Variants in STARD13 observed in about 807,000 individuals in gnomAD.
The protein encoded by STARD13 is StAR related lipid transfer domain containing 13.
A neutral mutation model predicts 106.4 loss-of-function variants in STARD13; 62 were observed. The observed-to-expected ratio is 0.58, with a 90% CI of 0.48 to 0.72. The LOEUF (loss-of-function observed/expected upper bound fraction) is 0.72, where lower values mean the gene tolerates loss of function less well. Among genes scored for constraint, STARD13 ranks in the 30% least tolerant of loss-of-function variants. The pLI, the probability that STARD13 is intolerant of heterozygous loss-of-function variation, is 0.00. For missense variants in STARD13, 1,387 were observed against 1,424.0 expected (o/e 0.97, Z 0.42); for synonymous variants, 565 against 553.0 (o/e 1.02, Z -0.31).
chr13:33,477,444 A>G, the STARD13 span, among the ~76,000 whole-genome samples: 2 of 152,234 alleles, frequency 1.3e-5, no homozygotes, highest in African/African-American at 4.8e-5. Flanking sequence ...AAATTTAGCC[A>G]TTGATGCTGA....
At chr13:33,326,338 A>G (rs1314024018) in intron 1 of STARD13, among the ~76,000 whole-genome samples, 1 of 152,220 alleles carries the variant, frequency 6.6e-6, no homozygotes, top group South Asian at 2.1e-4. Context: ...ACTTTTGTGC[A>G]CTAGAGTTTT....
At chr13:33,503,398 C>G in the STARD13 span, among the ~76,000 whole-genome samples, 1 of 152,222 alleles carries the variant, frequency 6.6e-6, no homozygotes, top group African/African-American at 2.4e-5. Flanking sequence ...CTGTTCTGAT[C>G]TTAGTTATTT....
chr13:33,384,424 A>G, the STARD13 span, among the ~76,000 whole-genome samples: 4 of 152,206 alleles, frequency 2.6e-5, no homozygotes, highest in African/African-American at 7.2e-5. Context: ...ACCAATCCAT[A>G]TTTTAATGCA....
chr13:33,285,536 T>C lies in STARD13; in HGVS notation c.103A>G (p.Arg35Gly), dbSNP rs1196550592. The change falls in exon 1 of 14, where the codon AGA (arginine) becomes GGA (glycine). Residue 35 changes from arginine (R) to glycine (G), a missense_variant. Transcript: ENST00000336934. ...CGGCTCATCCTGTAAGGAGAGCGTC[T>C]TGTAGTCTGATCAAATCGCAAGTAC... Reference protein sequence around the residue: ...EMYLRFDQTTRRSPYRMSRIL... With the variant: ...EMYLRFDQTTGRSPYRMSRIL... The C allele has an allele frequency of 1.2e-6, 2 of 1,614,044 alleles. No individual in the cohort carries two copies. The highest frequency in any genetic ancestry group is 2.2e-5 in the East Asian group (1 of 44,874).
the STARD13 span, among the ~76,000 whole-genome samples, chr13:33,502,779 G>A: frequency 7.9e-5 from 12 of 152,268 alleles, no homozygotes; most frequent in East Asian, 1.7e-3. Context: ...TGCTAGATTC[G>A]GTTTGCCAGT....
At chr13:33,549,040 CAT>C in the STARD13 span, among the ~76,000 whole-genome samples, 68 of 152,082 alleles carry the variant, frequency 4.5e-4, no homozygotes, top group African/African-American at 1.5e-3. Flanking sequence ...TTTTTAAACT[CAT>C]GTGTTAACAA....
chr13:33,345,137 C>A (rs1429685133), downstream of STARD13, among the ~76,000 whole-genome samples: 1 of 152,176 alleles, frequency 6.6e-6, no homozygotes, highest in East Asian at 1.9e-4. Context: ...GCATCTCATT[C>A]TTGTAGCTCT....
intron 1 of STARD13, among the ~76,000 whole-genome samples, chr13:33,311,171 C>T (rs1419571030): frequency 1.3e-5 from 2 of 151,558 alleles, no homozygotes; most frequent in African/African-American, 2.4e-5. Context: ...GTAGCATGCA[C>T]CTGTGGTCCC....
chr13:33,367,336 T>G, the STARD13 span, among the ~76,000 whole-genome samples: 2 of 152,216 alleles, frequency 1.3e-5, no homozygotes, highest in Non-Finnish European at 2.9e-5. Context: ...AACTTCAAGC[T>G]GAGTTTTGAA....
the STARD13 span, among the ~76,000 whole-genome samples, chr13:33,576,078 T>C: frequency 1.3e-5 from 2 of 152,208 alleles, no homozygotes; most frequent in Non-Finnish European, 2.9e-5. Context: ...GGGAGCTTTA[T>C]AGGGAGCAAT....
chr13:33,586,915 T>C, the STARD13 span, among the ~76,000 whole-genome samples: 1 of 152,140 alleles, frequency 6.6e-6, no homozygotes, highest in East Asian at 1.9e-4. Context: ...GTACCCCTGT[T>C]CAATTTTCTC....
intron 1 of STARD13, among the ~76,000 whole-genome samples, chr13:33,254,561 T>C (rs930274279): frequency 6.6e-6 from 1 of 152,150 alleles, no homozygotes; most frequent in Non-Finnish European, 1.5e-5. Flanking sequence ...CAGCCCTAAG[T>C]GGGAACAGCA....
intron 1 of STARD13, among the ~76,000 whole-genome samples, chr13:33,325,879 G>A (rs996057140): frequency 6.6e-6 from 1 of 151,680 alleles, no homozygotes; most frequent in African/African-American, 2.4e-5. Context: ...CAGCTACTTG[G>A]GAGACTGAGG....
At chr13:33,387,404 C>T in the STARD13 span, among the ~76,000 whole-genome samples, 1 of 152,202 alleles carries the variant, frequency 6.6e-6, no homozygotes, top group Non-Finnish European at 1.5e-5. Flanking sequence ...ACATTCTAGT[C>T]TGTGCCCATG....
intron 1 of STARD13, among the ~76,000 whole-genome samples, chr13:33,284,668 C>T (rs752384556): frequency 6.6e-6 from 1 of 151,382 alleles, no homozygotes; most frequent in African/African-American, 2.4e-5. Context: ...TTAGGGGCTT[C>T]TTAGGAATGT....
intron 1 of STARD13, among the ~76,000 whole-genome samples, chr13:33,242,610 T>C (rs1005728571): frequency 6.6e-6 from 1 of 152,162 alleles, no homozygotes; most frequent in Non-Finnish European, 1.5e-5. Flanking sequence ...ACACAAACAC[T>C]GCGGAAGGCG....
chr13:33,499,615 T>TCTTCTTCTTCTTCTTCTTCTTCTTCTTC, the STARD13 span, among the ~76,000 whole-genome samples: 3 of 84,558 alleles, frequency 3.5e-5, no homozygotes, highest in East Asian at 9.9e-4. Flanking sequence ...TTCTTCTTCT[T>TCTTCTTCTTCTTCTTCTTCTTCTTCTTC]CTTCTTCTTC....
chr13:33,356,592 A>G, the STARD13 span, among the ~76,000 whole-genome samples: 1 of 152,354 alleles, frequency 6.6e-6, no homozygotes, highest in South Asian at 2.1e-4. Flanking sequence ...CATCTATAAA[A>G]TGGGGATTAT....
intron 1 of STARD13, among the ~76,000 whole-genome samples, chr13:33,247,949 A>C (rs544286085): frequency 1.3e-5 from 2 of 152,352 alleles, no homozygotes; most frequent in Admixed American, 1.3e-4. Flanking sequence ...AGGGCTTTTC[A>C]TGTGGGTGAT....
Sources: allele counts gnomAD v4.1 joint callset (sites outside exome capture counted in the v4.1 genomes callset), GRCh38; gene constraint gnomAD v4.1.1; transcripts MANE v1.5; gene names NCBI Gene and HGNC (gene_info 2026-07-23, HGNC 2026-07-21).